MAPK4: variants seen among roughly 807,000 people sequenced by gnomAD.
MAPK4 encodes the protein Erk3-related.
A neutral mutation model predicts 47.7 loss-of-function variants in MAPK4; 22 were observed. The observed-to-expected ratio is 0.46, with a 90% CI of 0.33 to 0.66. The LOEUF (loss-of-function observed/expected upper bound fraction) is 0.66, where lower values mean the gene tolerates loss of function less well. Among genes scored for constraint, MAPK4 ranks in the 30% least tolerant of loss-of-function variants. The probability of loss-of-function intolerance (pLI) is 0.02; values close to 1 mark genes in which losing one functional copy is unlikely to be tolerated. For missense variants in MAPK4, 736 were observed against 831.7 expected (o/e 0.88, Z 1.42); for synonymous variants, 390 against 365.7 (o/e 1.07, Z -0.76).
chr18:50,688,717 G>A (rs376038947), intron 2 of MAPK4, among the ~76,000 whole-genome samples: 10 of 152,062 alleles, frequency 6.6e-5, no homozygotes, highest in Non-Finnish European at 1.3e-4. Context: ...ATGATACAAC[G>A]GACATCAGGG....
chr18:50,664,279 C>T lies in MAPK4; in HGVS notation c.321C>T (p.Tyr107=), dbSNP rs752086027. The T allele has an allele frequency of 1.2e-6, 2 of 1,613,638 alleles. No individual in the cohort carries two copies. Among genetic ancestry groups the T allele is most frequent in the South Asian group, 2.2e-5 (2 of 91,070 alleles). The change falls in exon 2 of 6, where the codon TAC becomes TAT. Residue 107 remains tyrosine (Y), a synonymous_variant. Transcript: ENST00000400384. The surrounding 1 kb of genome is among the most constrained non-coding windows in gnomAD (Gnocchi z 6.0). The part of the protein sequence containing the change: ...KFSVAYIVQE[Y]METDLARLLE... ...GCGTGGCGTACATCGTCCAGGAGTA[C>T]ATGGAGACCGACCTGGCACGCCTGC...
At chr18:50,710,676 A>C (rs1910306202) in intron 2 of MAPK4, among the ~76,000 whole-genome samples, 1 of 151,640 alleles carries the variant, frequency 6.6e-6, no homozygotes, top group Non-Finnish European at 1.5e-5. Flanking sequence ...GCTACTCAGG[A>C]GGCTGAGGCA....
chr18:50,656,424 C>T (rs866508318), intron 1 of MAPK4, among the ~76,000 whole-genome samples: 5 of 152,252 alleles, frequency 3.3e-5, no homozygotes, highest in Admixed American at 2.0e-4. Flanking sequence ...CCCCATAGGG[C>T]TGCCTCAAGA....
intron 1 of MAPK4, among the ~76,000 whole-genome samples, chr18:50,613,659 C>T (rs942248333): frequency 1.3e-5 from 2 of 152,232 alleles, no homozygotes; most frequent in African/African-American, 4.8e-5. Context: ...TATCTGCAAA[C>T]ACTGATTGTC....
chr18:50,662,916 AC>A (rs1419744668), intron 1 of MAPK4, among the ~76,000 whole-genome samples, 172 bp from the exon 2 acceptor site: 1 of 152,226 alleles, frequency 6.6e-6, no homozygotes, highest in East Asian at 1.9e-4. Context: ...GGGGAGTGCT[AC>A]GCACAGCAGG....
At chr18:50,589,408 A>G (rs1343802950) in intron 1 of MAPK4, among the ~76,000 whole-genome samples, 7 of 152,196 alleles carry the variant, frequency 4.6e-5, no homozygotes, top group Non-Finnish European at 7.4e-5. Flanking sequence ...CATCCTGGCT[A>G]ACACGGTGAA....
chr18:50,565,490 T>C (rs2042190491), intron 1 of MAPK4, among the ~76,000 whole-genome samples: 1 of 152,182 alleles, frequency 6.6e-6, no homozygotes, highest in South Asian at 2.1e-4. Flanking sequence ...AAACTTTTCT[T>C]TTGGAATACC....
At chr18:50,708,493 C>G (rs772997980) in intron 2 of MAPK4, among the ~76,000 whole-genome samples, 1 of 152,170 alleles carries the variant, frequency 6.6e-6, no homozygotes, top group Admixed American at 6.5e-5. Context: ...TCATCTGAAC[C>G]GCAACATCAG....
At chr18:50,639,648 C>G (rs1458049798) in intron 1 of MAPK4, among the ~76,000 whole-genome samples, 1 of 152,180 alleles carries the variant, frequency 6.6e-6, no homozygotes, top group Non-Finnish European at 1.5e-5. Flanking sequence ...AGACTCTGCA[C>G]CATTTAGTAA....
intron 1 of MAPK4, among the ~76,000 whole-genome samples, chr18:50,565,773 A>G (rs1389290076): frequency 1.3e-5 from 2 of 152,172 alleles, no homozygotes; most frequent in Non-Finnish European, 2.9e-5. Context: ...TGCTGTACAG[A>G]GTTGTAGTCT....
chr18:50,645,218 G>A (rs1598860474), intron 1 of MAPK4, among the ~76,000 whole-genome samples: 1 of 152,228 alleles, frequency 6.6e-6, no homozygotes, highest in Admixed American at 6.5e-5. Flanking sequence ...ATCCATAGGA[G>A]AGATGAATGC....
intron 2 of MAPK4, among the ~76,000 whole-genome samples, chr18:50,675,838 G>C (rs1387270320): frequency 6.6e-6 from 1 of 152,026 alleles, no homozygotes; most frequent in Non-Finnish European, 1.5e-5. Flanking sequence ...TGTTGGCCAG[G>C]CTGGTCTTGA....
At chr18:50,657,646 G>C (rs1482204746) in intron 1 of MAPK4, among the ~76,000 whole-genome samples, 1 of 151,830 alleles carries the variant, frequency 6.6e-6, no homozygotes, top group African/African-American at 2.4e-5. Context: ...AGGTGATTTT[G>C]TGCCTCCCCG....
chr18:50,692,269 C>T (rs1240162663), intron 2 of MAPK4, among the ~76,000 whole-genome samples: 1 of 152,204 alleles, frequency 6.6e-6, no homozygotes, highest in Non-Finnish European at 1.5e-5. Context: ...AGGCTCCATG[C>T]AGGGCCTCTC....
Position 50,729,560 on chromosome 18 carries a change from C to CCT in MAPK4, c.1471_1472dup (p.Glu492TrpfsTer57). ...GCGAGGACGAGCCGGCCAGCCTCTT[C>CCT]CTGGAGATCGCGCAGTGGGTCAAGA... On this transcript the variant is annotated frameshift_variant, in exon 6 of 6. Transcript: ENST00000400384. LOFTEE classifies it high-confidence loss of function. 1 of 1,426,462 alleles carries CCT rather than the reference C, an allele frequency of 7.0e-7. No homozygotes were observed. Among genetic ancestry groups the CCT allele is most frequent in the Non-Finnish European group, 9.2e-7 (1 of 1,089,214 alleles). 88.4% of individuals were successfully genotyped at this position (1,426,462 alleles called of 1,614,324 possible).
chr18:50,582,312 GA>G (rs2042352696), intron 1 of MAPK4, among the ~76,000 whole-genome samples: 1 of 152,180 alleles, frequency 6.6e-6, no homozygotes. Flanking sequence ...CCCTTACTGA[GA>G]AAGCTAAATC....
At position 50,731,593 on chromosome 18, in the gene MAPK4, G is replaced by A. The variant is rs1911566456; in HGVS notation, c.*1739G>A. 6.6e-6 allele frequency: 1 copy of A among 152,384 alleles called. No individual in the cohort carries two copies. Among genetic ancestry groups the A allele is most frequent in the South Asian group, 2.1e-4 (1 of 4,820 alleles). The allele number at this position is 152,384 out of a possible 1,614,324, so 9.4% of individuals were successfully genotyped here. A position where few individuals can be genotyped will look rare whatever the true frequency, so the allele number is the denominator to read the frequency against. ...AAATATGTAAATAGGAAGTGTTTGGGTTTTGTTTTTTCTTTAAGAAAAAGA... is the reference window on the plus strand; with the variant it reads ...AAATATGTAAATAGGAAGTGTTTGGATTTTGTTTTTTCTTTAAGAAAAAGA... On this transcript the variant is annotated 3_prime_UTR_variant, in exon 6 of 6. Transcript: ENST00000400384.
At chr18:50,670,142 G>C (rs1204261241) in intron 2 of MAPK4, 1 of 133,428 alleles carries the variant, frequency 7.5e-6, no homozygotes, top group Non-Finnish European at 1.6e-5. Flanking sequence ...CTGGGCTACA[G>C]AGCAAGACTC....
intron 5 of MAPK4, among the ~76,000 whole-genome samples, chr18:50,727,794 G>A (rs1343217114): frequency 6.6e-6 from 1 of 152,222 alleles, no homozygotes; most frequent in African/African-American, 2.4e-5. Context: ...CCTTCTTGCT[G>A]TGGGCAAGCT....
Sources: allele counts gnomAD v4.1 joint callset (sites outside exome capture counted in the v4.1 genomes callset), GRCh38; gene constraint gnomAD v4.1.1; non-coding constraint Gnocchi (gnomAD v3.1); transcripts MANE v1.5; gene names NCBI Gene and HGNC (gene_info 2026-07-23, HGNC 2026-07-21).